The following PARD3 variants were observed in gnomAD, a reference collection of about 807,000 sequenced individuals.
PARD3 encodes par-3 family cell polarity regulator, also known as partitioning defective 3 homolog.
In PARD3, 75 loss-of-function variants were observed where a neutral mutation model predicts 155.4. The observed-to-expected ratio is 0.48, with a 90% confidence interval of 0.40 to 0.58. The LOEUF is 0.58. Ranked by LOEUF, PARD3 falls within the 20% of genes least tolerant of loss-of-function variation. The probability of loss-of-function intolerance (pLI) is 0.00; values close to 1 mark genes in which losing one functional copy is unlikely to be tolerated. For missense variants in PARD3, 1,642 were observed against 1,721.7 expected, an observed-to-expected ratio of 0.95 and a Z score of 0.82; for synonymous variants, 576 against 610.5, an observed-to-expected ratio of 0.94 and a Z score of 0.83.
intron 22 of PARD3, among the ~76,000 whole-genome samples, chr10:34,184,597 C>T (rs895456691): frequency 3.3e-5 from 5 of 152,074 alleles, no homozygotes; most frequent in Non-Finnish European, 7.4e-5. Flanking sequence ...TATAAGAAAA[C>T]CAAAGTCTCT....
At chr10:34,601,237 G>A (rs1327874551) in intron 2 of PARD3, among the ~76,000 whole-genome samples, 1 of 150,386 alleles carries the variant, frequency 6.6e-6, no homozygotes, top group African/African-American at 2.4e-5. Flanking sequence ...GACCAGCCTG[G>A]GCAACACAGC....
intron 1 of PARD3, among the ~76,000 whole-genome samples, chr10:34,764,010 T>C (rs75998296): frequency 0.024 from 3,620 of 152,288 alleles, 147 homozygotes; most frequent in African/African-American, 0.083. Flanking sequence ...CAAGCTTTTA[T>C]ACTCAATGGC....
At chr10:34,658,477 G>A (rs761986935) in intron 2 of PARD3, among the ~76,000 whole-genome samples, 1 of 152,066 alleles carries the variant, frequency 6.6e-6, no homozygotes, top group Non-Finnish European at 1.5e-5. Flanking sequence ...GCTTGAAGGC[G>A]GCACCAGGGG....
Position 34,280,343 on chromosome 10 carries a change from A to C in PARD3, c.3176+3792T>G, listed in dbSNP as rs1956098051. Among the ~76,000 whole-genome samples the C allele has an allele frequency of 2.0e-5, 3 of 152,228 alleles. No homozygotes were observed. The South Asian group carries it at 6.2e-4, about 32-fold the overall frequency. On this transcript the variant is annotated intron_variant, in intron 21 of 24. Transcript: ENST00000374788. Reference sequence around the variant, plus strand: ...GGAAAATGTGTACTTTATAGGAAAAAAAATGATTAGCACAGACCAGTATGT... The same window carrying C: ...GGAAAATGTGTACTTTATAGGAAAACAAATGATTAGCACAGACCAGTATGT...
At position 34,809,314 on chromosome 10, in the gene PARD3, G is replaced by A. The variant is rs189319472; in HGVS notation, c.120+5562C>T. ...CAGACACGGGCTATTCACCAAGACT[G>A]AAGCTCAGCCACCGCTTCAAGCATT... On this transcript the variant is annotated intron_variant, in intron 1 of 24. Coordinates refer to ENST00000374788, the MANE Select transcript of PARD3 (RefSeq NM_001184785.2). Among the ~76,000 whole-genome samples the A allele has an allele frequency of 3.9e-5, 6 of 152,262 alleles. No homozygotes were observed. The East Asian group carries it at 9.7e-4, about 25-fold the overall frequency.
At chr10:34,768,775 T>C (rs1289453797) in intron 1 of PARD3, among the ~76,000 whole-genome samples, 1 of 152,190 alleles carries the variant, frequency 6.6e-6, no homozygotes, top group East Asian at 1.9e-4. Context: ...GCCAGGCAAA[T>C]GGCTTGGTCC....
intron 2 of PARD3, among the ~76,000 whole-genome samples, chr10:34,571,684 T>G (rs2134159116): frequency 6.6e-6 from 1 of 152,308 alleles, no homozygotes; most frequent in Non-Finnish European, 1.5e-5. Context: ...AATGGAAACT[T>G]TTGTTGAAGA....
At position 34,264,895 on chromosome 10, in the gene PARD3, G is replaced by A. The variant is rs144160599; in HGVS notation, c.3419+4762C>T. On this transcript the variant is annotated intron_variant, in intron 22 of 24. Coordinates refer to ENST00000374788, the MANE Select transcript of PARD3 (RefSeq NM_001184785.2). ...CTCCCGAGTAGCTGGGACTGTAGAT[G>A]CATGTCACCACGCCTGGCTAATTTA... is the stretch of plus-strand genomic sequence containing the variant. 3.0e-3 allele frequency among the ~76,000 whole-genome samples: 453 copies of A among 152,138 alleles called. 4 individuals are homozygous for A. The highest frequency in any genetic ancestry group is 0.01 in the African/African-American group (433 of 41,510).
At chr10:34,602,330 A>G (rs2089859351) in intron 2 of PARD3, among the ~76,000 whole-genome samples, 1 of 152,226 alleles carries the variant, frequency 6.6e-6, no homozygotes, top group African/African-American at 2.4e-5. Context: ...AGAATTAAAT[A>G]TTGTAGATCC....
chr10:34,366,220 G>T (rs1839952520), intron 12 of PARD3, among the ~76,000 whole-genome samples: 1 of 152,120 alleles, frequency 6.6e-6, no homozygotes, highest in Non-Finnish European at 1.5e-5. Context: ...AAACCATTCT[G>T]TTGTTCACTT....
intron 22 of PARD3, among the ~76,000 whole-genome samples, chr10:34,201,424 G>A (rs1572550): frequency 0.11 from 16,203 of 152,078 alleles, 2,923 homozygotes; most frequent in African/African-American, 0.37. Context: ...TTATCTCAGC[G>A]TAAAAAGTTT....
At position 34,311,744 on chromosome 10, in the gene PARD3, C is replaced by CAT. The variant is rs1251789948; in HGVS notation, c.3065+5362_3065+5363insAT. On this transcript the variant is annotated intron_variant, in intron 20 of 24. Coordinates refer to ENST00000374788, the MANE Select transcript of PARD3 (RefSeq NM_001184785.2). ...AGAAATTTATTTTCCTACACCACCA[C>CAT]CCCCCTGCCAACCACCCATTTTTGG... Among the ~76,000 whole-genome samples the CAT allele has an allele frequency of 3.4e-3, 452 of 131,498 alleles. 2 individuals are homozygous for CAT. Among genetic ancestry groups the CAT allele is most frequent in the African/African-American group, 0.019 (439 of 23,232 alleles). The allele number at this position is 131,498 out of a possible 152,430, so 86.3% of individuals were successfully genotyped here.
chr10:34,113,524 T>C lies in PARD3; in HGVS notation c.3669-1962A>G, dbSNP rs997318266. Among the ~76,000 whole-genome samples the C allele has an allele frequency of 6.1e-5, 9 of 148,358 alleles. No homozygotes were observed. The South Asian group carries it at 6.4e-4, about 11-fold the overall frequency. ...ACACACACACACACACACACACACA[T>C]AGACACACACACACATGCGCACACA... On this transcript the variant is annotated intron_variant, in intron 24 of 24. Coordinates refer to ENST00000374788, the MANE Select transcript of PARD3 (RefSeq NM_001184785.2).
intron 22 of PARD3, among the ~76,000 whole-genome samples, chr10:34,156,931 C>T (rs1332117189): frequency 6.6e-6 from 1 of 152,106 alleles, no homozygotes; most frequent in Non-Finnish European, 1.5e-5. Flanking sequence ...TGTTGGCATT[C>T]TTTCAGTGGA....
chr10:34,165,070 A>G (rs1173849361), intron 22 of PARD3, among the ~76,000 whole-genome samples: 1 of 151,832 alleles, frequency 6.6e-6, no homozygotes, highest in African/African-American at 2.4e-5. Context: ...ACATTTCATT[A>G]TCTTCTAAGA....
intron 5 of PARD3, among the ~76,000 whole-genome samples, chr10:34,428,012 C>T (rs191782134): frequency 6.6e-6 from 1 of 151,946 alleles, no homozygotes; most frequent in Non-Finnish European, 1.5e-5. Flanking sequence ...GAGAGAAGGC[C>T]GGTAGACCAA....
chr10:34,548,141 T>C (rs1053146445), intron 2 of PARD3, among the ~76,000 whole-genome samples: 11 of 152,214 alleles, frequency 7.2e-5, no homozygotes, highest in Non-Finnish European at 1.0e-4. Flanking sequence ...AGGCAGGCTC[T>C]TTCTCTCTTC....
At chr10:34,323,472 G>A (rs1958498793) in intron 19 of PARD3, among the ~76,000 whole-genome samples, 1 of 152,160 alleles carries the variant, frequency 6.6e-6, no homozygotes, top group South Asian at 2.1e-4. Flanking sequence ...GGAATCAGGT[G>A]ACATTTATTA....
Position 34,244,113 on chromosome 10 carries a change from T to C in PARD3, c.3419+25544A>G, listed in dbSNP as rs544301498. Among the ~76,000 whole-genome samples, 121 of 152,310 alleles carry C rather than the reference T, an allele frequency of 7.9e-4. 6 individuals are homozygous for C. In the South Asian group the frequency reaches 0.024, roughly 31 times the overall value. ...GATCAGTTAAAGAATACCAATAAAT[T>C]GATAAATGTGGTAATAAGCTTAATA... is the stretch of plus-strand genomic sequence containing the variant. On this transcript the variant is annotated intron_variant, in intron 22 of 24. Coordinates refer to ENST00000374788, the MANE Select transcript of PARD3 (RefSeq NM_001184785.2).
Sources: gnomAD v4.1 joint callset for allele counts (sites outside exome capture counted in the v4.1 genomes callset) on GRCh38, gnomAD v4.1.1 for gene constraint, MANE v1.5 for transcripts, NCBI Gene and HGNC (gene_info 2026-07-23, HGNC 2026-07-21) for gene names.